DGUOK: variants seen among roughly 807,000 people sequenced by gnomAD.
The protein encoded by DGUOK is deoxyguanosine kinase, also known as deoxyguanosine kinase, mitochondrial.
DGUOK carries 30 observed loss-of-function variants against 36.6 expected under a neutral mutation model. The ratio of observed to expected loss-of-function variants is 0.82; its 90% CI spans 0.61 to 1.11. The LOEUF is 1.11. DGUOK is among the 50% of genes most tolerant of loss of function. The probability of loss-of-function intolerance (pLI) is 0.00; values close to 1 mark genes in which losing one functional copy is unlikely to be tolerated. For missense variants in DGUOK, 361 were observed against 336.4 expected, an observed-to-expected ratio of 1.07 and a Z score of -0.57; for synonymous variants, 145 against 126.3, an observed-to-expected ratio of 1.15 and a Z score of -0.99.
chr2:73,939,072 A>G, intron 2 of DGUOK, 50 bp downstream of exon 2: 1 of 1,199,796 alleles, frequency 8.3e-7, no homozygotes, highest in East Asian at 2.3e-5. Context: ...TGAATAATCT[A>G]ATTGTCATAA....
chr2:73,940,803 G>A (rs1028343539), intron 2 of DGUOK, among the ~76,000 whole-genome samples: 5 of 152,156 alleles, frequency 3.3e-5, no homozygotes, highest in Non-Finnish European at 7.3e-5. Flanking sequence ...GGAGCAATAG[G>A]GTGTGTCATA....
chr2:73,932,938 T>C (rs1232688449), intron 1 of DGUOK, among the ~76,000 whole-genome samples: 1 of 152,252 alleles, frequency 6.6e-6, no homozygotes, highest in Non-Finnish European at 1.5e-5. Context: ...TATTATCATC[T>C]TCTTGTGATT....
At chr2:73,941,395 A>G (rs1239328340) in intron 2 of DGUOK, among the ~76,000 whole-genome samples, 1 of 152,224 alleles carries the variant, frequency 6.6e-6, no homozygotes, top group Non-Finnish European at 1.5e-5. Context: ...ATAATTTGTT[A>G]GGCAGCAATA....
chr2:73,928,108 A>G (rs577363372), intron 1 of DGUOK, among the ~76,000 whole-genome samples: 49 of 152,270 alleles, frequency 3.2e-4, no homozygotes, highest in African/African-American at 1.1e-3. Flanking sequence ...AAAATTAGGG[A>G]TGAAGAATTG....
chr2:73,927,040 G>T lies in DGUOK; in HGVS notation c.130G>T (p.Glu44Ter), dbSNP rs762550967. ...GCGCGGGCCCCGAAGGCTCTCCATC[G>T]AAGGCAACATTGGTAAGGGCCGGAA... ...AGRGPRRLSI[E>*]GNIAVGKSTF... is the part of the protein sequence containing the mutation. Residue 44 changes from glutamate to a stop codon, truncating the protein, a stop_gained, in exon 1 of 7, where the codon GAA becomes TAA. Coordinates refer to ENST00000264093, the MANE Select transcript of DGUOK (RefSeq NM_080916.3). LOFTEE classifies it high-confidence loss of function. 1 of 1,609,410 alleles carries T rather than the reference G, an allele frequency of 6.2e-7. No homozygotes were observed. The highest frequency in any genetic ancestry group is 8.5e-7 in the Non-Finnish European group (1 of 1,180,016).
chr2:73,938,810 T>C (rs1681675060), intron 1 of DGUOK, 100 bp from the exon 2 acceptor site: 2 of 810,522 alleles, frequency 2.5e-6, no homozygotes, highest in Non-Finnish European at 4.4e-6. Flanking sequence ...AACTAATACT[T>C]GTTCCCTTGA....
At chr2:73,951,848 C>G (rs1682726648) in intron 4 of DGUOK, among the ~76,000 whole-genome samples, 1 of 152,200 alleles carries the variant, frequency 6.6e-6, no homozygotes, top group Non-Finnish European at 1.5e-5. Flanking sequence ...ATAAGAGATT[C>G]TACAGAAATA....
intron 1 of DGUOK, among the ~76,000 whole-genome samples, chr2:73,937,755 C>T (rs1249644468): frequency 6.6e-6 from 1 of 152,122 alleles, no homozygotes; most frequent in Non-Finnish European, 1.5e-5. Flanking sequence ...AGGTATGGGC[C>T]AAACATTGGT....
chr2:73,943,461 C>T (rs901501858), intron 2 of DGUOK, among the ~76,000 whole-genome samples: 29 of 151,784 alleles, frequency 1.9e-4, no homozygotes, highest in African/African-American at 6.8e-4. Context: ...GATGCCTGGC[C>T]CATGTGTAGT....
intron 1 of DGUOK, among the ~76,000 whole-genome samples, 198 bp downstream of exon 1, chr2:73,927,250 C>T (rs998116205): frequency 2.0e-5 from 3 of 152,192 alleles, no homozygotes; most frequent in African/African-American, 7.2e-5. Flanking sequence ...CCTCAGTACC[C>T]GCCCACAGGA....
intron 4 of DGUOK, among the ~76,000 whole-genome samples, chr2:73,956,608 C>T (rs116257784): frequency 0.045 from 6,849 of 152,262 alleles, 502 homozygotes; most frequent in African/African-American, 0.15. Flanking sequence ...AAGGACTGCA[C>T]TGCTAGTACC....
intron 1 of DGUOK, among the ~76,000 whole-genome samples, chr2:73,929,546 G>A (rs1306264110): frequency 6.6e-6 from 1 of 152,176 alleles, no homozygotes; most frequent in Non-Finnish European, 1.5e-5. Context: ...ACTATGTGTT[G>A]ATGGAAAGGA....
chr2:73,934,270 G>A (rs1350564200), intron 1 of DGUOK, among the ~76,000 whole-genome samples: 1 of 152,174 alleles, frequency 6.6e-6, no homozygotes, highest in Non-Finnish European at 1.5e-5. Flanking sequence ...CCCAGCTTGT[G>A]GAATGAGAAT....
chr2:73,957,348 C>G (rs1297446437), intron 5 of DGUOK, 108 bp downstream of exon 5: 1 of 825,284 alleles, frequency 1.2e-6, no homozygotes, highest in Admixed American at 2.0e-5. Context: ...TCAGAATATA[C>G]TGGAAATGGT....
rs376145379 is a variant in DGUOK at position 73,950,702 on chromosome 2, T to A, written c.561T>A (p.His187Gln). Residue 187 changes from histidine to glutamine, a missense_variant, in exon 4 of 7, where the codon CAT (histidine) becomes CAA (glutamine). Transcript: ENST00000264093. ...LWEFASRITL[H>Q]GFIYLQASPQ... Reference sequence around the variant, plus strand: ...AGTTTGCCAGCCGGATCACATTACATGGCTTCATCTACCTCCAGGCTTCTC... The same window carrying A: ...AGTTTGCCAGCCGGATCACATTACAAGGCTTCATCTACCTCCAGGCTTCTC... The A allele has an allele frequency of 6.2e-7, 1 of 1,614,110 alleles. No homozygotes were observed. The highest frequency in any genetic ancestry group is 8.5e-7 in the Non-Finnish European group (1 of 1,180,048).
chr2:73,936,118 A>T (rs75186771), intron 1 of DGUOK, among the ~76,000 whole-genome samples: 2,512 of 152,372 alleles, frequency 0.016, 32 homozygotes, highest in Middle Eastern at 0.034. Context: ...TAGCTATTAA[A>T]TAGCAGGGAC....
intron 2 of DGUOK, among the ~76,000 whole-genome samples, chr2:73,942,027 A>C (rs1681942848): frequency 6.6e-6 from 1 of 151,106 alleles, no homozygotes; most frequent in Admixed American, 6.6e-5. Flanking sequence ...TCCCTGCCTC[A>C]GCCTCCTGAG....
chr2:73,932,695 G>T, intron 1 of DGUOK: 1 of 1,262,302 alleles, frequency 7.9e-7, no homozygotes, highest in Non-Finnish European at 1.0e-6. Context: ...TATGTTTAGA[G>T]GGCTTTTCTT....
chr2:73,940,914 C>T (rs1345281431), intron 2 of DGUOK, among the ~76,000 whole-genome samples: 1 of 152,214 alleles, frequency 6.6e-6, no homozygotes, highest in East Asian at 1.9e-4. Flanking sequence ...TTTCTCAGAA[C>T]ATATTCCTGT....
Sources: allele counts gnomAD v4.1 joint callset (sites outside exome capture counted in the v4.1 genomes callset), GRCh38; gene constraint gnomAD v4.1.1; transcripts MANE v1.5; gene names NCBI Gene and HGNC (gene_info 2026-07-23, HGNC 2026-07-21).